MGMT: variants seen among roughly 807,000 people sequenced by gnomAD.
MGMT encodes O-6-methylguanine-DNA methyltransferase, also known as methylated-DNA--protein-cysteine methyltransferase.
Under a neutral mutation model 15.9 loss-of-function variants are expected in MGMT, and 14 were observed. The observed-to-expected ratio is 0.88, with a 90% CI of 0.58 to 1.37. The LOEUF is 1.37. MGMT is among the 40% of genes most tolerant of loss of function. The pLI is 0.00. For missense variants in MGMT, 282 were observed against 268.1 expected (o/e 1.05, Z -0.36); for synonymous variants, 130 against 118.2 (o/e 1.10, Z -0.65).
intron 2 of MGMT, among the ~76,000 whole-genome samples, chr10:129,595,756 A>G (rs981544653): frequency 6.6e-6 from 1 of 152,118 alleles, no homozygotes; most frequent in Admixed American, 6.5e-5. Context: ...AAGGTGACTT[A>G]AGATTGTCTA....
chr10:129,575,714 A>G (rs1165562905), intron 2 of MGMT, among the ~76,000 whole-genome samples: 1 of 151,888 alleles, frequency 6.6e-6, no homozygotes, highest in African/African-American at 2.4e-5. Context: ...TAGAGACACA[A>G]AAAACCCTTC....
At position 129,768,975 on chromosome 10, in the gene MGMT, G is replaced by A. The variant is rs1282487854; in HGVS notation, c.*1978G>A. 2 of 152,344 alleles carry A rather than the reference G, an allele frequency of 1.3e-5. No homozygotes were observed. Among genetic ancestry groups the A allele is most frequent in the Non-Finnish European group, 2.9e-5 (2 of 68,120 alleles). The allele number at this position is 152,344 out of a possible 1,614,324, so 9.4% of individuals were successfully genotyped here. On this transcript the variant is annotated 3_prime_UTR_variant, in exon 5 of 5. Coordinates refer to ENST00000651593, the MANE Select transcript of MGMT (RefSeq NM_002412.5). ...GTCTCTCATCAGGCACAGGCTCTGA[G>A]GGAGGGTCCTGGGGCCACATGACTG... is the stretch of plus-strand genomic sequence containing the variant.
intron 2 of MGMT, among the ~76,000 whole-genome samples, chr10:129,617,164 C>T (rs918407353): frequency 1.3e-5 from 2 of 152,146 alleles, no homozygotes; most frequent in African/African-American, 4.8e-5. Context: ...CTGCTGTTCC[C>T]TTCTTTGTGG....
rs1438857624 is a variant in MGMT at position 129,770,257 on chromosome 10, GTAAGA to G, written c.*3265_*3269del. ...CCTGGAACTTGTTTCCTACAGAACTGTAAGATAAGGATAAAATCCCATCCACCTGA... is the reference window on the plus strand; with the variant it reads ...CCTGGAACTTGTTTCCTACAGAACTGTAAGGATAAAATCCCATCCACCTGA... On this transcript the variant is annotated 3_prime_UTR_variant, in exon 5 of 5. Coordinates refer to ENST00000651593, the MANE Select transcript of MGMT (RefSeq NM_002412.5). Among the ~76,000 whole-genome samples the G allele has an allele frequency of 6.6e-6, 1 of 152,206 alleles. No homozygotes were observed. Among genetic ancestry groups the G allele is most frequent in the African/African-American group, 2.4e-5 (1 of 41,456 alleles).
rs554712816 is a variant in MGMT, at chr10:129,616,539, C to T, written c.125+80162C>T. Among the ~76,000 whole-genome samples, 233 of 152,258 alleles carry T rather than the reference C, an allele frequency of 1.5e-3. 1 individual carries two copies. Among genetic ancestry groups the T allele is most frequent in the Non-Finnish European group, 2.2e-3 (151 of 68,008 alleles). ...CCATCCTCCCAGGCCCCCCATTGGC[C>T]GGCCAGGCCCCTGGATTACCTCTCT... On this transcript the variant is annotated intron_variant, in intron 2 of 4. Transcript: ENST00000651593.
intron 2 of MGMT, among the ~76,000 whole-genome samples, chr10:129,565,344 A>G (rs1392839755): frequency 6.6e-6 from 1 of 152,142 alleles, no homozygotes. Flanking sequence ...ACTGATCTAC[A>G]AGGCTATGAA....
intron 2 of MGMT, among the ~76,000 whole-genome samples, chr10:129,545,429 G>C (rs937530737): frequency 6.6e-6 from 1 of 152,194 alleles, no homozygotes. Context: ...ATTTGTCCTC[G>C]TGATATCACT....
intron 1 of MGMT, among the ~76,000 whole-genome samples, chr10:129,502,099 G>C (rs1436896387): frequency 6.6e-6 from 1 of 152,238 alleles, no homozygotes; most frequent in East Asian, 1.9e-4. Context: ...TTTGGTGGTG[G>C]TTGTTACTGC....
intron 2 of MGMT, among the ~76,000 whole-genome samples, chr10:129,693,019 A>G (rs1414921565): frequency 6.6e-6 from 1 of 152,252 alleles, no homozygotes; most frequent in Non-Finnish European, 1.5e-5. Flanking sequence ...TTATCCAGAA[A>G]AATCCACCAA....
intron 3 of MGMT, among the ~76,000 whole-genome samples, chr10:129,709,955 C>G (rs952490481): frequency 6.6e-6 from 1 of 152,230 alleles, no homozygotes; most frequent in African/African-American, 2.4e-5. Flanking sequence ...ACCACCCCTG[C>G]AAGCACTGAA....
chr10:129,615,531 T>G (rs1847014978), intron 2 of MGMT, among the ~76,000 whole-genome samples: 1 of 152,230 alleles, frequency 6.6e-6, no homozygotes, highest in Non-Finnish European at 1.5e-5. Context: ...TTAGGACTTC[T>G]GAATCTGCTT....
intron 3 of MGMT, among the ~76,000 whole-genome samples, chr10:129,719,547 G>A (rs992006949): frequency 3.3e-5 from 5 of 152,150 alleles, no homozygotes; most frequent in African/African-American, 1.2e-4. Flanking sequence ...TGTCCTGCTT[G>A]CCCTGCAGAT....
intron 1 of MGMT, among the ~76,000 whole-genome samples, chr10:129,524,207 C>T (rs551340165): frequency 3.7e-4 from 56 of 152,326 alleles, no homozygotes; most frequent in South Asian, 6.2e-4. Context: ...GGCTGCACTA[C>T]CTCCCGCCCT....
intron 2 of MGMT, among the ~76,000 whole-genome samples, chr10:129,629,282 G>A (rs1032372593): frequency 3.3e-5 from 5 of 152,150 alleles, no homozygotes; most frequent in East Asian, 1.9e-4. Context: ...TTCAGATTAC[G>A]GAAATATCTG....
chr10:129,657,728 C>CACACACACACACACA (rs1554874807), intron 2 of MGMT, among the ~76,000 whole-genome samples: 27 of 136,158 alleles, frequency 2.0e-4, no homozygotes, highest in African/African-American at 2.4e-4. Context: ...CACACACACA[C>CACACACACACACACA]CCCCTCTCCC....
intron 1 of MGMT, among the ~76,000 whole-genome samples, chr10:129,477,808 T>G (rs1845312320): frequency 6.6e-6 from 1 of 152,174 alleles, no homozygotes. Flanking sequence ...AATTACAGAC[T>G]AAAGTTGTTT....
At chr10:129,594,162 A>G (rs908275910) in intron 2 of MGMT, among the ~76,000 whole-genome samples, 1 of 152,204 alleles carries the variant, frequency 6.6e-6, no homozygotes, top group African/African-American at 2.4e-5. Flanking sequence ...TGGCTGATGC[A>G]TGAGGCTAGA....
intron 3 of MGMT, among the ~76,000 whole-genome samples, chr10:129,744,471 C>G (rs1392289362): frequency 6.6e-6 from 1 of 152,264 alleles, no homozygotes; most frequent in Non-Finnish European, 1.5e-5. Flanking sequence ...AGGTCACCCA[C>G]TGGCTGGCCA....
chr10:129,660,127 C>G (rs983087687), intron 2 of MGMT, among the ~76,000 whole-genome samples: 1 of 152,226 alleles, frequency 6.6e-6, no homozygotes, highest in African/African-American at 2.4e-5. Flanking sequence ...TCTCCTGTCA[C>G]TTTTACCCCA....
Sources: allele counts gnomAD v4.1 joint callset (sites outside exome capture counted in the v4.1 genomes callset), GRCh38; gene constraint gnomAD v4.1.1; transcripts MANE v1.5; gene names NCBI Gene and HGNC (gene_info 2026-07-23, HGNC 2026-07-21).